Variants in PRKCZ observed in about 807,000 individuals in gnomAD.
PRKCZ encodes protein kinase C zeta type.
Under a neutral mutation model 79.5 loss-of-function variants are expected in PRKCZ, and 33 were observed. The observed-to-expected ratio is 0.41, with a 90% confidence interval of 0.31 to 0.55. The LOEUF (loss-of-function observed/expected upper bound fraction) is 0.55, where lower values mean the gene tolerates loss of function less well. Among genes scored for constraint, PRKCZ ranks in the 20% least tolerant of loss-of-function variants. The pLI, the probability that PRKCZ is intolerant of heterozygous loss-of-function variation, is 0.19. For missense variants in PRKCZ, 578 were observed against 813.5 expected (o/e 0.71, Z 3.52); for synonymous variants, 342 against 320.9 (o/e 1.07, Z -0.70).
In PRKCZ at chr1:2,165,292, G is replaced by A. The variant is rs911546644; in HGVS notation, c.975-4226G>A. On this transcript the variant is annotated intron_variant, in intron 10 of 17. Transcript: ENST00000378567. This position sits in a 1 kb window ranked among gnomAD's most constrained non-coding sequence, Gnocchi z 4.1. ...ATGACGGTGCTGTCACCGCTGTGAT[G>A]TCCGCTGTGAGGTGGGGACAGGACC... 6.6e-6 allele frequency among the ~76,000 whole-genome samples: 1 copy of A among 152,186 alleles called. No individual in the cohort carries two copies. The highest frequency in any genetic ancestry group is 1.5e-5 in the Non-Finnish European group (1 of 68,024).
rs114545558 is a variant in PRKCZ, at chr1:2,092,066, G to T, written c.334+32475G>T. Among the ~76,000 whole-genome samples the T allele has an allele frequency of 6.6e-5, 10 of 152,230 alleles. No homozygotes were observed. In the East Asian group the frequency reaches 1.9e-3, roughly 29 times the overall value. Reference sequence around the variant, plus strand: ...GACGAATCTGTCCTTGCTGCCACCTGTGCGGCCGCAGAGTGAGACAGGAGG... The same window carrying T: ...GACGAATCTGTCCTTGCTGCCACCTTTGCGGCCGCAGAGTGAGACAGGAGG... On this transcript the variant is annotated intron_variant, in intron 4 of 17. Transcript: ENST00000378567.
chr1:2,180,473 C>CGACGCGGACGCACAGAT (rs1557755100), intron 16 of PRKCZ, among the ~76,000 whole-genome samples: 37 of 151,116 alleles, frequency 2.4e-4, no homozygotes, highest in African/African-American at 8.8e-4. Context: ...GACACCCAGA[C>CGACGCGGACGCACAGAT]GACGCGGACG....
chr1:2,054,287 C>G (rs1260806156), intron 1 of PRKCZ, among the ~76,000 whole-genome samples: 2 of 152,128 alleles, frequency 1.3e-5, no homozygotes, highest in Non-Finnish European at 2.9e-5. Context: ...TGTCAGAAAG[C>G]CGTAGATTTT....
At chr1:2,184,548 C>A (rs766230396) in intron 16 of PRKCZ, 35 bp from the exon 17 acceptor site, 3 of 1,542,446 alleles carry the variant, frequency 1.9e-6, no homozygotes, top group East Asian at 2.3e-5. Flanking sequence ...ATGATGCCCG[C>A]GCGGAGCTGA....
chr1:2,131,968 C>T (rs1452090562), intron 4 of PRKCZ, among the ~76,000 whole-genome samples: 1 of 152,202 alleles, frequency 6.6e-6, no homozygotes, highest in Admixed American at 6.5e-5. Context: ...CCCACCACCA[C>T]ACCCGACTAA....
At chr1:2,131,526 G>A (rs1674950052) in intron 4 of PRKCZ, among the ~76,000 whole-genome samples, 1 of 152,208 alleles carries the variant, frequency 6.6e-6, no homozygotes, top group Non-Finnish European at 1.5e-5. Context: ...GGAAATGCTT[G>A]AAATTATCCT....
At position 2,149,941 on chromosome 1, in the gene PRKCZ, G is replaced by A. The variant is rs550303101; in HGVS notation, c.688-849G>A. Among the ~76,000 whole-genome samples the A allele has an allele frequency of 4.0e-5, 6 of 151,574 alleles. No homozygotes were observed. Among genetic ancestry groups the A allele is most frequent in the South Asian group, 4.2e-4 (2 of 4,798 alleles). On this transcript the variant is annotated intron_variant, in intron 8 of 17. Coordinates refer to ENST00000378567, the MANE Select transcript of PRKCZ (RefSeq NM_002744.6). The surrounding 1 kb of genome is among the most constrained non-coding windows in gnomAD (Gnocchi z 4.1). ...TGGGAAGCTGAGGCGGGCAGATCAC[G>A]AGGTCAGGAGATGGAGACCATCCTG...
chr1:2,082,627 AG>A lies in PRKCZ; in HGVS notation c.334+23040del, dbSNP rs1219847139. 6.6e-6 allele frequency among the ~76,000 whole-genome samples: 1 copy of A among 151,998 alleles called. No individual in the cohort carries two copies. Among genetic ancestry groups the A allele is most frequent in the African/African-American group, 2.4e-5 (1 of 41,366 alleles). On this transcript the variant is annotated intron_variant, in intron 4 of 17. Coordinates refer to ENST00000378567, the MANE Select transcript of PRKCZ (RefSeq NM_002744.6). This position sits in a 1 kb window ranked among gnomAD's most constrained non-coding sequence, Gnocchi z 4.4. ...GGCCGATTTCAGGCTGCCGAAGTGG[AG>A]GGGTTCAGTGAAGGTGGAGTTGGGC...
chr1:2,155,317 CAG>C (rs1157168462), intron 9 of PRKCZ, among the ~76,000 whole-genome samples: 1 of 146,992 alleles, frequency 6.8e-6, no homozygotes, highest in Non-Finnish European at 1.5e-5. Flanking sequence ...GTGGTGATGA[CAG>C]TGATGATGGT....
intron 4 of PRKCZ, chr1:2,074,599 G>C (rs914060973): frequency 2.7e-5 from 13 of 486,870 alleles, no homozygotes; most frequent in South Asian, 1.3e-4. Context: ...TTTCCGTCTC[G>C]AGCCTGCCCT....
intron 10 of PRKCZ, among the ~76,000 whole-genome samples, chr1:2,160,064 C>T (rs940656037): frequency 9.9e-5 from 15 of 152,260 alleles, no homozygotes; most frequent in Middle Eastern, 3.4e-3. Flanking sequence ...CTGTTTGCCA[C>T]GGTTGATTAT....
chr1:2,135,468 C>T, intron 5 of PRKCZ, 121 bp downstream of exon 5: 3 of 884,322 alleles, frequency 3.4e-6, no homozygotes, highest in African/African-American at 3.4e-5. Flanking sequence ...CGCCCGAGGG[C>T]AAGGTTACAG....
chr1:2,085,173 G>A (rs955661843), intron 4 of PRKCZ, among the ~76,000 whole-genome samples: 2 of 152,182 alleles, frequency 1.3e-5, no homozygotes, highest in African/African-American at 2.4e-5. Context: ...AGCTGAGTGG[G>A]TATTTATTTA....
chr1:2,071,348 C>T (rs541326942), intron 4 of PRKCZ: 8 of 468,136 alleles, frequency 1.7e-5, no homozygotes, highest in East Asian at 6.7e-5. Context: ...TTCCAGGCCC[C>T]GGCGGCGTCT....
rs554860132 is a variant in PRKCZ at position 2,185,074 on chromosome 1, A to G, written c.*65A>G. 568 of 1,444,358 alleles carry G rather than the reference A, an allele frequency of 3.9e-4. 1 individual carries two copies. The highest frequency in any genetic ancestry group is 4.4e-4 in the Non-Finnish European group (459 of 1,047,442). 89.5% of individuals were successfully genotyped at this position (1,444,358 alleles called of 1,614,324 possible). On this transcript the variant is annotated 3_prime_UTR_variant, in exon 18 of 18. Coordinates refer to ENST00000378567, the MANE Select transcript of PRKCZ (RefSeq NM_002744.6). ...CTTTAACTGTATCCTTAACCACCGC[A>G]TATGCATGCCAGGCTGGGCACGGCT...
chr1:2,083,958 G>A (rs753773975), intron 4 of PRKCZ, among the ~76,000 whole-genome samples: 2 of 152,202 alleles, frequency 1.3e-5, no homozygotes, highest in Non-Finnish European at 2.9e-5. Flanking sequence ...TTGGCCGGGC[G>A]CGGTGGCTCA....
In PRKCZ at chr1:2,093,378, C is replaced by T. The variant is rs374737218; in HGVS notation, c.334+33787C>T. ...GCCGCCCTGGGGCAGGTCAGACCGC[C>T]GGGGTGTGGAGTGGGGTGCTTGCCT... On this transcript the variant is annotated intron_variant, in intron 4 of 17. Transcript: ENST00000378567. 3.0e-4 allele frequency among the ~76,000 whole-genome samples: 45 copies of T among 152,232 alleles called. No individual in the cohort carries two copies. The East Asian group carries it at 5.2e-3, about 18-fold the overall frequency.
intron 1 of PRKCZ, among the ~76,000 whole-genome samples, chr1:2,052,569 C>T (rs1056308389): frequency 2.6e-5 from 4 of 151,984 alleles, no homozygotes; most frequent in African/African-American, 9.7e-5. Flanking sequence ...TCCTACCATT[C>T]CTTCTCTCCT....
In PRKCZ at chr1:2,065,571, C is replaced by T. The variant is rs148775611; in HGVS notation, c.334+5980C>T. Reference sequence around the variant, plus strand: ...GCAGGCGCCTGTAGTCCCAGCTACTCGGGAGGCTGAGCCAGGAGAATAGCC... The same window carrying T: ...GCAGGCGCCTGTAGTCCCAGCTACTTGGGAGGCTGAGCCAGGAGAATAGCC... On this transcript the variant is annotated intron_variant, in intron 4 of 17. Transcript: ENST00000378567. 6.4e-3 allele frequency among the ~76,000 whole-genome samples: 963 copies of T among 149,874 alleles called. 9 individuals carry two copies. The highest frequency in any genetic ancestry group is 0.022 in the African/African-American group (913 of 40,672).
Sources: gnomAD v4.1 joint callset for allele counts (sites outside exome capture counted in the v4.1 genomes callset) on GRCh38, gnomAD v4.1.1 for gene constraint, Gnocchi (gnomAD v3.1) non-coding constraint, MANE v1.5 for transcripts, NCBI Gene and HGNC (gene_info 2026-07-23, HGNC 2026-07-21) for gene names.